USP9Y: variants seen among roughly 807,000 people sequenced by gnomAD.
The protein encoded by USP9Y is ubiquitin specific peptidase 9 Y-linked, also known as ubiquitin carboxyl-terminal hydrolase 9Y.
Under a neutral mutation model 53.1 loss-of-function variants are expected in USP9Y, and 41 were observed. The ratio of observed to expected loss-of-function variants is 0.77; its 90% CI spans 0.60 to 1.00. The LOEUF (loss-of-function observed/expected upper bound fraction) is 1.00, where lower values mean the gene tolerates loss of function less well. Among genes scored for constraint, USP9Y ranks in the 50% least tolerant of loss-of-function variants. The probability of loss-of-function intolerance (pLI) is 0.00; values close to 1 mark genes in which losing one functional copy is unlikely to be tolerated. For synonymous variants in USP9Y, 220 were observed against 173.7 expected (o/e 1.27, Z -2.09); for missense variants, 567 against 535.8 (o/e 1.06, Z -0.58).
chrY:12,817,914 T>C (rs2053537666), intron 32 of USP9Y, among the ~76,000 whole-genome samples: 1 of 33,901 alleles, frequency 2.9e-5, no homozygotes, highest in Non-Finnish European at 7.3e-5. Context: ...GTAAAGTAGC[T>C]GTATTTTGCT....
chrY:12,853,680 A>G (rs2053573336), intron 42 of USP9Y, among the ~76,000 whole-genome samples: 1 of 33,221 alleles, frequency 3.0e-5, no homozygotes, highest in Non-Finnish European at 7.4e-5. Context: ...TTTTCTCTTA[A>G]TGTTCCACTT....
chrY:12,805,667 A>G (rs2053523809), intron 27 of USP9Y, among the ~76,000 whole-genome samples: 1 of 33,245 alleles, frequency 3.0e-5, no homozygotes, highest in Non-Finnish European at 7.4e-5. Flanking sequence ...CAAGCTATGA[A>G]ATTGATCAAA....
intron 33 of USP9Y, among the ~76,000 whole-genome samples, chrY:12,827,972 A>G: frequency 3.0e-5 from 1 of 32,901 alleles, no homozygotes; most frequent in South Asian, 6.9e-4. Context: ...AAAGAAAAGA[A>G]AAAGACGCTA....
rs1230947429 is a variant in USP9Y, at chrY:12,776,830, A to G, written c.2609A>G (p.His870Arg). 7 of 395,155 alleles carry G rather than the reference A, an allele frequency of 1.8e-5. No individual in the cohort carries two copies. The African/African-American group carries it at 4.5e-4, about 25-fold the overall frequency. The change falls in exon 19 of 46, where the codon CAC becomes CGC. Residue 870 changes from histidine to arginine, a missense_variant. Transcript: ENST00000338981. ...EYINECDSDY[H>R]KERMILPMSR... ...ATTAATGAATGTGACAGTGATTATCACAAGGAAAGAATGATTCTACCTATG... is the reference window on the plus strand; with the variant it reads ...ATTAATGAATGTGACAGTGATTATCGCAAGGAAAGAATGATTCTACCTATG...
intron 27 of USP9Y, 58 bp from the exon 28 acceptor site, chrY:12,810,121 G>A: frequency 3.0e-6 from 1 of 333,549 alleles, no homozygotes; most frequent in Non-Finnish European, 4.4e-6. Context: ...ATTAAAGATA[G>A]ATCAGTGTTG....
chrY:12,734,656 G>A (rs2053449828), intron 7 of USP9Y, among the ~76,000 whole-genome samples: 2 of 33,454 alleles, frequency 6.0e-5, no homozygotes, highest in African/African-American at 1.2e-4. Context: ...GTTTTTCATC[G>A]TATCAAACGT....
chrY:12,812,797 A>T (rs768237982), intron 30 of USP9Y, 33 bp from the exon 31 acceptor site: 1 of 302,872 alleles, frequency 3.3e-6, no homozygotes, highest in South Asian at 3.2e-5. Context: ...ATTTTCTACT[A>T]ATAACATGTA....
chrY:12,741,595 G>T, intron 12 of USP9Y, among the ~76,000 whole-genome samples: 4 of 33,338 alleles, frequency 1.2e-4, no homozygotes, highest in Non-Finnish European at 3.0e-4. Flanking sequence ...AAAGTCCCAT[G>T]GTTATGAGAT....
At chrY:12,820,797 T>G in intron 33 of USP9Y, among the ~76,000 whole-genome samples, 1 of 33,584 alleles carries the variant, frequency 3.0e-5, no homozygotes, top group African/African-American at 1.2e-4. Context: ...TTATATACAT[T>G]ATAGAGGAAT....
chrY:12,715,441 C>G, intron 3 of USP9Y, among the ~76,000 whole-genome samples: 1 of 30,733 alleles, frequency 3.3e-5, no homozygotes, highest in Non-Finnish European at 7.8e-5. Context: ...CCTCAGCTTC[C>G]TGAGTAGCTG....
chrY:12,720,510 G>T, intron 3 of USP9Y, 79 bp from the exon 4 acceptor site: 1 of 250,308 alleles, frequency 4.0e-6, no homozygotes, highest in South Asian at 3.9e-5. Context: ...AAATATTTGG[G>T]CATATATATG....
chrY:12,732,862 C>T, intron 7 of USP9Y, among the ~76,000 whole-genome samples: 1 of 32,696 alleles, frequency 3.1e-5, no homozygotes, highest in Non-Finnish European at 7.5e-5. Flanking sequence ...TTTCTTTAGC[C>T]TCCTTTTTCA....
intron 15 of USP9Y, among the ~76,000 whole-genome samples, chrY:12,770,291 C>T (rs2053484630): frequency 3.1e-5 from 1 of 31,992 alleles, no homozygotes; most frequent in Non-Finnish European, 7.6e-5. Flanking sequence ...GCACCTGTAG[C>T]TCCAGCTACT....
intron 30 of USP9Y, among the ~76,000 whole-genome samples, chrY:12,812,069 C>G: frequency 3.0e-5 from 1 of 33,063 alleles, no homozygotes; most frequent in Non-Finnish European, 7.4e-5. Flanking sequence ...ATCCGTTCAC[C>G]TCCGCCTCCT....
intron 27 of USP9Y, among the ~76,000 whole-genome samples, chrY:12,805,375 A>G (rs2053523384): frequency 3.0e-5 from 1 of 33,312 alleles, no homozygotes; most frequent in South Asian, 6.8e-4. Flanking sequence ...AAATCTGAAT[A>G]GAAAAATGAG....
intron 3 of USP9Y, among the ~76,000 whole-genome samples, chrY:12,719,181 C>T: frequency 1.2e-4 from 4 of 33,934 alleles, no homozygotes. Flanking sequence ...CTTCCTAAAA[C>T]ATAATTGGTA....
In USP9Y at chrY:12,776,648, G is replaced by A; in HGVS notation, c.2428-1G>A. On this transcript the variant is annotated splice_acceptor_variant, in intron 18 of 45. Coordinates refer to ENST00000338981, the MANE Select transcript of USP9Y (RefSeq NM_004654.4). LOFTEE classifies it high-confidence loss of function. ...TATCTGTATTTGTCCATTATTTATA[G>A]GTGGTTATCCATGAAGACTTCATTC... 1 of 377,889 alleles carries A rather than the reference G, an allele frequency of 2.6e-6. No homozygotes were observed. The highest frequency in any genetic ancestry group is 3.0e-5 in the South Asian group (1 of 33,259). The allele number at this position is 377,889 out of a possible 400,897, so 94.3% of individuals were successfully genotyped here.
intron 33 of USP9Y, among the ~76,000 whole-genome samples, chrY:12,820,061 A>G: frequency 3.0e-5 from 1 of 32,799 alleles, no homozygotes; most frequent in East Asian, 8.0e-4. Flanking sequence ...CCTCAACCGT[A>G]ATGGAGCCAC....
chrY:12,746,468 C>T (rs747072515), intron 12 of USP9Y, among the ~76,000 whole-genome samples: 14 of 33,043 alleles, frequency 4.2e-4, no homozygotes, highest in African/African-American at 1.7e-3. Context: ...ATTTAATTTA[C>T]AGAAAAAAAC....
Sources: allele counts gnomAD v4.1 joint callset (sites outside exome capture counted in the v4.1 genomes callset), GRCh38; gene constraint gnomAD v4.1.1; transcripts MANE v1.5; gene names NCBI Gene and HGNC (gene_info 2026-07-23, HGNC 2026-07-21).